The following TTLL5 variants were observed in gnomAD, a reference collection of about 807,000 sequenced individuals.
TTLL5 encodes the protein tubulin polyglutamylase TTLL5.
TTLL5 carries 132 observed loss-of-function variants against 168.4 expected under a neutral mutation model. The ratio of observed to expected loss-of-function variants is 0.78; its 90% confidence interval spans 0.68 to 0.91. The LOEUF (loss-of-function observed/expected upper bound fraction) is 0.91. TTLL5 is among the 40% of genes least tolerant of loss of function. The pLI is 0.00. For synonymous variants in TTLL5, 546 were observed against 558.6 expected (o/e 0.98, Z 0.32); for missense variants, 1,545 against 1,581.5 (o/e 0.98, Z 0.39).
intron 24 of TTLL5, 121 bp from the exon 25 acceptor site, chr14:75,782,366 G>A (rs1013395016): frequency 9.8e-6 from 7 of 714,740 alleles, no homozygotes; most frequent in African/African-American, 3.7e-5. Flanking sequence ...GTGATGAGAC[G>A]TGCCATGTTT....
At chr14:75,899,928 G>A (rs887379408) in intron 30 of TTLL5, among the ~76,000 whole-genome samples, 5 of 130,778 alleles carry the variant, frequency 3.8e-5, no homozygotes, top group Non-Finnish European at 6.3e-5. Context: ...AGATTTTGCC[G>A]GCTTCTTCCC....
chr14:75,911,547 T>C (rs937542146), intron 31 of TTLL5, among the ~76,000 whole-genome samples: 1 of 152,228 alleles, frequency 6.6e-6, no homozygotes, highest in African/African-American at 2.4e-5. Flanking sequence ...AGAATCACTC[T>C]TATTTTAATA....
intron 29 of TTLL5, 64 bp downstream of exon 29, chr14:75,863,926 A>AAAAAAAAAAAAAAAAAAAG (rs1325156608): frequency 1.7e-5 from 22 of 1,257,840 alleles, no homozygotes; most frequent in Admixed American, 6.5e-5. Context: ...AAAAAAAAAA[A>AAAAAAAAAAAAAAAAAAAG]AAAAAAAAGG....
chr14:75,732,053 C>A, intron 12 of TTLL5: 7 of 172,740 alleles, frequency 4.1e-5, no homozygotes, highest in Admixed American at 6.5e-5. Context: ...TGCTTGTTAA[C>A]TATTCTAGAG....
At chr14:75,779,512 A>G in intron 23 of TTLL5, 63 bp from the exon 24 acceptor site, 1 of 1,581,304 alleles carries the variant, frequency 6.3e-7, no homozygotes, top group Non-Finnish European at 8.5e-7. Flanking sequence ...TCATAATAAA[A>G]TCTGGTGGAA....
chr14:75,748,279 C>CT (rs1017862127), intron 17 of TTLL5, among the ~76,000 whole-genome samples: 3 of 61,510 alleles, frequency 4.9e-5, no homozygotes, highest in African/African-American at 1.6e-4. Flanking sequence ...TAAACTTTTT[C>CT]TTAAAAAAAA....
At chr14:75,897,376 A>G (rs570094372) in intron 30 of TTLL5, among the ~76,000 whole-genome samples, 5 of 152,352 alleles carry the variant, frequency 3.3e-5, no homozygotes, top group South Asian at 2.1e-4. Flanking sequence ...TGTTGCTACT[A>G]TATGTGGTCA....
intron 6 of TTLL5, among the ~76,000 whole-genome samples, chr14:75,696,756 A>G (rs575128851): frequency 1.3e-5 from 2 of 152,196 alleles, no homozygotes; most frequent in Admixed American, 6.5e-5. Flanking sequence ...AGTTTTTTAC[A>G]TACCCTCTAG....
Position 75,783,378 on chromosome 14 carries a change from C to T in TTLL5, c.2834C>T (p.Pro945Leu). The part of the protein sequence containing the change: ...LLNTVSASAS[P>L]CLHPGAQNIP... ...AACACAGTCTCTGCCAGTGCTTCTC[C>T]CTGCCTACATCCCGGGGCACAGAAC... Residue 945 changes from proline (P) to leucine (L), a missense_variant, in exon 26 of 32, where the codon CCC becomes CTC. Pro to Leu is a moderately conservative substitution (Grantham distance 98). Coordinates refer to ENST00000298832, the MANE Select transcript of TTLL5 (RefSeq NM_015072.5). 1 of 1,614,218 alleles carries T rather than the reference C, an allele frequency of 6.2e-7. No homozygotes were observed. The highest frequency in any genetic ancestry group is 8.5e-7 in the Non-Finnish European group (1 of 1,180,048).
At chr14:75,928,963 G>T (rs184520287) in intron 31 of TTLL5, among the ~76,000 whole-genome samples, 189 of 152,132 alleles carry the variant, frequency 1.2e-3, no homozygotes, top group African/African-American at 4.2e-3. Context: ...TTTAAGCATC[G>T]TAAAGCATCC....
chr14:75,808,143 T>A (rs1359208656), intron 27 of TTLL5, among the ~76,000 whole-genome samples: 1 of 152,182 alleles, frequency 6.6e-6, no homozygotes, highest in Non-Finnish European at 1.5e-5. Context: ...ATTTGCCCAT[T>A]TTGTCAGGTT....
intron 15 of TTLL5, 121 bp downstream of exon 15, chr14:75,735,410 C>A: frequency 4.5e-6 from 4 of 880,422 alleles, no homozygotes; most frequent in Non-Finnish European, 7.5e-6. Flanking sequence ...ATTTGGGGAT[C>A]ACTCTAGACA....
At chr14:75,770,455 T>C (rs1891237242) in intron 20 of TTLL5, among the ~76,000 whole-genome samples, 1 of 152,130 alleles carries the variant, frequency 6.6e-6, no homozygotes, top group Non-Finnish European at 1.5e-5. Flanking sequence ...GTGAAAACAG[T>C]CAGTAGAAAG....
At chr14:75,823,446 G>A (rs1894948167) in intron 28 of TTLL5, among the ~76,000 whole-genome samples, 1 of 152,132 alleles carries the variant, frequency 6.6e-6, no homozygotes, top group African/African-American at 2.4e-5. Flanking sequence ...AGTCTTGGCT[G>A]CTGCTTGGAA....
At chr14:75,723,683 T>C (rs1257987931) in intron 12 of TTLL5, among the ~76,000 whole-genome samples, 1 of 152,166 alleles carries the variant, frequency 6.6e-6, no homozygotes, top group African/African-American at 2.4e-5. Flanking sequence ...TTATTGGCAA[T>C]AGAATGTTCC....
intron 18 of TTLL5, among the ~76,000 whole-genome samples, chr14:75,763,535 A>G (rs892438846): frequency 1.3e-5 from 2 of 152,136 alleles, no homozygotes; most frequent in African/African-American, 2.4e-5. Flanking sequence ...AGGAGTTAGG[A>G]TGATTTCTTG....
At chr14:75,662,580 C>T (rs975467614) in intron 1 of TTLL5, among the ~76,000 whole-genome samples, 3 of 151,096 alleles carry the variant, frequency 2.0e-5, no homozygotes, top group African/African-American at 7.3e-5. Flanking sequence ...CTCAGGTGAT[C>T]CGCCCGCCTT....
chr14:75,790,932 TAAA>T (rs778260505), intron 26 of TTLL5, among the ~76,000 whole-genome samples: 1 of 97,366 alleles, frequency 1.0e-5, no homozygotes, highest in Non-Finnish European at 2.2e-5. Context: ...CCATCTCTAC[TAAA>T]AAAAAAAAAA....
At chr14:75,709,577 A>G (rs370665548) in intron 9 of TTLL5, 2 of 215,868 alleles carry the variant, frequency 9.3e-6, no homozygotes, top group Non-Finnish European at 1.9e-5. Context: ...TGGACCAGGC[A>G]TCTGAACATG....
Sources: allele counts gnomAD v4.1 joint callset (sites outside exome capture counted in the v4.1 genomes callset), GRCh38; gene constraint gnomAD v4.1.1; transcripts MANE v1.5; gene names NCBI Gene and HGNC (gene_info 2026-07-23, HGNC 2026-07-21).